Variants in WRAP73 observed in about 807,000 individuals in gnomAD.
WRAP73 encodes WD repeat-containing protein WRAP73.
In WRAP73, 55 loss-of-function variants were observed where a neutral mutation model predicts 59.6. The ratio of observed to expected loss-of-function variants is 0.92; its 90% CI spans 0.74 to 1.15. The LOEUF is 1.15. WRAP73 is among the 50% of genes most tolerant of loss of function. The pLI, the probability that WRAP73 is intolerant of heterozygous loss-of-function variation, is 0.00. For synonymous variants in WRAP73, 265 were observed against 258.2 expected (o/e 1.03, Z -0.25); for missense variants, 592 against 608.1 (o/e 0.97, Z 0.28).
In WRAP73 at chr1:3,638,911, A is replaced by G. The variant is rs984390807; in HGVS notation, c.340-89T>C. On this transcript the variant is annotated intron_variant, in intron 3 of 11. Transcript: ENST00000270708. ...TCCTCAACCCGCCCACGCGTCCCCA[A>G]GCACAGGCCTGACTGCTGGAGTGGA... 1.2e-5 allele frequency: 17 copies of G among 1,451,040 alleles called. No individual in the cohort carries two copies. The Admixed American group carries it at 2.1e-4, about 18-fold the overall frequency. The allele number at this position is 1,451,040 out of a possible 1,614,324, so 89.9% of individuals were successfully genotyped here. A position where few individuals can be genotyped will look rare whatever the true frequency, so the allele number is the denominator to read the frequency against.
At position 3,630,857 on chromosome 1, in the gene WRAP73, A is replaced by T; in HGVS notation, c.*118T>A. ...TACAAAAATGCTTTGCTATAGAAAA[A>T]TAGAATCAATCACTGAATCCAGACC... is the stretch of plus-strand genomic sequence containing the variant. On this transcript the variant is annotated 3_prime_UTR_variant, in exon 12 of 12. Transcript: ENST00000270708. 7.4e-7 allele frequency: 1 copy of T among 1,355,240 alleles called. No homozygotes were observed. The highest frequency in any genetic ancestry group is 1.0e-6 in the Non-Finnish European group (1 of 998,338). 84.0% of individuals were successfully genotyped at this position (1,355,240 alleles called of 1,614,324 possible). A position where few individuals can be genotyped will look rare whatever the true frequency, so the allele number is the denominator to read the frequency against.
chr1:3,636,978 T>A lies in WRAP73; in HGVS notation c.516+17A>T, dbSNP rs1386273735. On this transcript the variant is annotated intron_variant, in intron 5 of 11. Transcript: ENST00000270708. Reference sequence around the variant, plus strand: ...AGTCAGCAGGACAACTTTATTCCAGTCTGGGGGACGCCTTACCCGCAGGAG... The same window carrying A: ...AGTCAGCAGGACAACTTTATTCCAGACTGGGGGACGCCTTACCCGCAGGAG... 1 of 1,612,426 alleles carries A rather than the reference T, an allele frequency of 6.2e-7. No homozygotes were observed. The highest frequency in any genetic ancestry group is 8.5e-7 in the Non-Finnish European group (1 of 1,179,030).
chr1:3,634,949 G>A (rs371134726), intron 8 of WRAP73, 48 bp downstream of exon 8: 41 of 1,598,138 alleles, frequency 2.6e-5, no homozygotes, highest in Middle Eastern at 1.7e-4. Context: ...GTTTCCCACC[G>A]CCCTCCCCAA....
In WRAP73 at chr1:3,637,036, A is replaced by C; in HGVS notation, c.475T>G (p.Tyr159Asp). 6.2e-7 allele frequency: 1 copy of C among 1,613,746 alleles called. No homozygotes were observed. The highest frequency in any genetic ancestry group is 1.3e-5 in the African/African-American group (1 of 75,074). ...TCACTGCAGACGAAGATGCTCACGT[A>C]ATCTTTGCAGTCGCGCCGTTCTGCC... ...ALAERRDCKD[Y>D]VSIFVCSDWQ... The change falls in exon 5 of 12, where the codon TAC becomes GAC. Residue 159 changes from tyrosine (Y) to aspartate (D), a missense_variant. Tyr to Asp is a radical substitution (Grantham distance 160). Transcript: ENST00000270708.
intron 3 of WRAP73, among the ~76,000 whole-genome samples, chr1:3,645,121 G>T (rs112569332): frequency 6.6e-6 from 1 of 152,152 alleles, no homozygotes; most frequent in Non-Finnish European, 1.5e-5. Flanking sequence ...TTTTAAAATC[G>T]AAACTGAAAA....
At chr1:3,631,897 T>G in intron 10 of WRAP73, 1 of 1,396,840 alleles carries the variant, frequency 7.2e-7, no homozygotes, top group Non-Finnish European at 9.2e-7. Flanking sequence ...TTTTTTTTTT[T>G]TTTTAGCCCT....
At chr1:3,636,853 G>A (rs776944551) in intron 5 of WRAP73, 142 bp downstream of exon 5, 6 of 879,146 alleles carry the variant, frequency 6.8e-6, no homozygotes, top group East Asian at 2.7e-5. Flanking sequence ...GAAGTGATTC[G>A]CAGCGCACCT....
At position 3,639,892 on chromosome 1, in the gene WRAP73, T is replaced by C. The variant is rs2760317; in HGVS notation, c.340-1070A>G. 0.94 allele frequency among the ~76,000 whole-genome samples: 142,080 copies of C among 150,950 alleles called. 67,007 individuals carry two copies. Among genetic ancestry groups the C allele is most frequent in the East Asian group, 1 (5,142 of 5,148 alleles). On this transcript the variant is annotated intron_variant, in intron 3 of 11. Transcript: ENST00000270708. This position sits in a 1 kb window ranked among gnomAD's most constrained non-coding sequence, Gnocchi z 4.3. ...GGATGAGGCCCGGGGTGGGGGACCGTCTCCAGCAGCGTAAGTGGGGCCGCA... is the reference window on the plus strand; with the variant it reads ...GGATGAGGCCCGGGGTGGGGGACCGCCTCCAGCAGCGTAAGTGGGGCCGCA...
chr1:3,638,942 C>G (rs1644613555), intron 3 of WRAP73, 120 bp from the exon 4 acceptor site: 1 of 1,066,774 alleles, frequency 9.4e-7, no homozygotes, highest in African/African-American at 1.6e-5. Flanking sequence ...GTGGATCTAT[C>G]AGGACCTGGG....
In WRAP73 at chr1:3,636,013, G is replaced by C. The variant is rs772120508; in HGVS notation, c.534C>G (p.Thr178=). The change falls in exon 6 of 12, where the codon ACC becomes ACG. Residue 178 remains threonine, a synonymous_variant. Coordinates refer to ENST00000270708, the MANE Select transcript of WRAP73 (RefSeq NM_017818.4). ...WQLLRHFDTD[T]QDLTGIEWAP... The stretch of plus-strand genomic sequence containing the variant: ...CCCACTCAATCCCTGTGAGATCCTG[G>C]GTGTCCGTATCAAAATGCTTCCAAA... 12 of 1,613,846 alleles carry C rather than the reference G, an allele frequency of 7.4e-6. 1 individual carries two copies. In the South Asian group the frequency reaches 1.3e-4, roughly 18 times the overall value.
At chr1:3,631,371 C>T (rs1345289249) in intron 11 of WRAP73, 95 bp downstream of exon 11, 15 of 1,466,886 alleles carry the variant, frequency 1.0e-5, no homozygotes, top group South Asian at 3.8e-5. Flanking sequence ...GGAGTGCTGC[C>T]GGAGACAGCA....
rs1374874287 is a variant in WRAP73 at position 3,650,101 on chromosome 1, G to C, written c.-102C>G. Reference sequence around the variant, plus strand: ...CCGACGCCGGCCTCCGAGGCCGGAAGTCAGAAGGCGGAAGTGAACTGCAGC... The same window carrying C: ...CCGACGCCGGCCTCCGAGGCCGGAACTCAGAAGGCGGAAGTGAACTGCAGC... On this transcript the variant is annotated 5_prime_UTR_variant, in exon 1 of 12. Transcript: ENST00000270708. 1.6e-6 allele frequency: 2 copies of C among 1,249,088 alleles called. No individual in the cohort carries two copies. Among genetic ancestry groups the C allele is most frequent in the Non-Finnish European group, 2.2e-6 (2 of 918,242 alleles). 77.4% of individuals were successfully genotyped at this position (1,249,088 alleles called of 1,614,324 possible).
intron 5 of WRAP73, chr1:3,636,770 A>G: frequency 1.6e-6 from 1 of 606,774 alleles, no homozygotes; most frequent in Non-Finnish European, 3.1e-6. Flanking sequence ...ATGTGACAGC[A>G]TATTCACTTT....
rs1362351796 is a variant in WRAP73, at chr1:3,639,697, T to C, written c.340-875A>G. ...AGGTGCGGGGACACAAGGTGCGGGG[T>C]GGGGTGCTGACTGCCAGCTCCGTGT... On this transcript the variant is annotated intron_variant, in intron 3 of 11. Coordinates refer to ENST00000270708, the MANE Select transcript of WRAP73 (RefSeq NM_017818.4). The surrounding 1 kb of genome is among the most constrained non-coding windows in gnomAD (Gnocchi z 4.3). The C allele has an allele frequency of 5.9e-5, 9 of 151,616 alleles. No individual in the cohort carries two copies. The highest frequency in any genetic ancestry group is 1.3e-4 in the Non-Finnish European group (9 of 67,980). The allele number at this position is 151,616 out of a possible 1,614,324, so 9.4% of individuals were successfully genotyped here.
At chr1:3,640,821 A>C (rs1451737638) in intron 3 of WRAP73, among the ~76,000 whole-genome samples, 1 of 152,230 alleles carries the variant, frequency 6.6e-6, no homozygotes. Flanking sequence ...TGTGCCACCC[A>C]GGGCAGAGAC....
intron 8 of WRAP73, 199 bp downstream of exon 8, chr1:3,634,798 G>C: frequency 1.5e-6 from 1 of 673,238 alleles, no homozygotes; most frequent in Non-Finnish European, 2.6e-6. Context: ...GCCCACTTCA[G>C]ACCCTTTGGG....
In WRAP73 at chr1:3,637,050, C is replaced by T. The variant is rs754683820; in HGVS notation, c.461G>A (p.Arg154His). Reference sequence around the variant, plus strand: ...GATGCTCACGTAATCTTTGCAGTCGCGCCGTTCTGCCAGCGCCATGTAGCG... The same window carrying T: ...GATGCTCACGTAATCTTTGCAGTCGTGCCGTTCTGCCAGCGCCATGTAGCG... The part of the protein sequence containing the change: ...DGRYMALAER[R>H]DCKDYVSIFV... The change falls in exon 5 of 12, where the codon CGC (arginine) becomes CAC (histidine). Residue 154 changes from arginine to histidine, a missense_variant. Coordinates refer to ENST00000270708, the MANE Select transcript of WRAP73 (RefSeq NM_017818.4). The T allele has an allele frequency of 4.3e-6, 7 of 1,613,532 alleles. No individual in the cohort carries two copies. Among genetic ancestry groups the T allele is most frequent in the African/African-American group, 1.3e-5 (1 of 75,054 alleles).
rs1644692455 is a variant in WRAP73 at position 3,646,563 on chromosome 1, G to C, written c.339+103C>G. On this transcript the variant is annotated intron_variant, in intron 3 of 11. Transcript: ENST00000270708. This position sits in a 1 kb window ranked among gnomAD's most constrained non-coding sequence, Gnocchi z 5.1. ...AATGCATCCCCTGAGGATAAGGGGA[G>C]ACTAGCATACTCCAAACACACCCCC... is the stretch of plus-strand genomic sequence containing the variant. The C allele has an allele frequency of 2.3e-6, 2 of 869,350 alleles. No homozygotes were observed. The highest frequency in any genetic ancestry group is 3.4e-5 in the African/African-American group (2 of 59,080). 53.9% of individuals were successfully genotyped at this position (869,350 alleles called of 1,614,324 possible).
At position 3,646,797 on chromosome 1, in the gene WRAP73, G is replaced by C. The variant is rs1246707315; in HGVS notation, c.223-15C>G. 3.7e-6 allele frequency: 6 copies of C among 1,605,324 alleles called. No individual in the cohort carries two copies. Among genetic ancestry groups the C allele is most frequent in the Non-Finnish European group, 5.1e-6 (6 of 1,175,110 alleles). On this transcript the variant is annotated splice_polypyrimidine_tract_variant and intron_variant, in intron 2 of 11. Coordinates refer to ENST00000270708, the MANE Select transcript of WRAP73 (RefSeq NM_017818.4). This position sits in a 1 kb window ranked among gnomAD's most constrained non-coding sequence, Gnocchi z 5.1. ...AAAGACCAGACCTGGATTGAGAGAA[G>C]AAAGAAACACACAAGTGCAAACTCA...
Sources: gnomAD v4.1 joint callset for allele counts (sites outside exome capture counted in the v4.1 genomes callset) on GRCh38, gnomAD v4.1.1 for gene constraint, Gnocchi (gnomAD v3.1) non-coding constraint, MANE v1.5 for transcripts, NCBI Gene and HGNC (gene_info 2026-07-23, HGNC 2026-07-21) for gene names.